CFHR1: variants seen among roughly 807,000 people sequenced by gnomAD.
CFHR1 encodes complement factor H-related protein 1.
Under a neutral mutation model 30.4 loss-of-function variants are expected in CFHR1, and 22 were observed. The ratio of observed to expected loss-of-function variants is 0.72; its 90% CI spans 0.52 to 1.03. The LOEUF (loss-of-function observed/expected upper bound fraction) is 1.03. CFHR1 is among the 50% of genes least tolerant of loss of function. CFHR1 has a pLI of 0.00. For missense variants in CFHR1, 248 were observed against 380.6 expected (o/e 0.65, Z 2.90); for synonymous variants, 95 against 129.1 (o/e 0.74, Z 1.79).
chr1:196,830,391 C>G lies in CFHR1; in HGVS notation c.608-109C>G, dbSNP rs771790509. ...AGGACTCATTTCTTTTACCAGAAAT[C>G]ACAAAACTGTTGATATTATATAAAG... On this transcript the variant is annotated intron_variant, in intron 4 of 5. Transcript: ENST00000320493. 53 of 1,227,132 alleles carry G rather than the reference C, an allele frequency of 4.3e-5. 9 individuals carry two copies. The highest frequency in any genetic ancestry group is 6.0e-5 in the Non-Finnish European group (52 of 872,634). 76.0% of individuals were successfully genotyped at this position (1,227,132 alleles called of 1,614,324 possible). A position where few individuals can be genotyped will look rare whatever the true frequency, so the allele number is the denominator to read the frequency against.
chr1:196,831,704 G>C lies in CFHR1; in HGVS notation c.791-93G>C, dbSNP rs1239394784. ...GACAGTGTTTTGAGAAATAATTCCT[G>C]AACCATCATATAACATTCTACTTGA... On this transcript the variant is annotated intron_variant, in intron 5 of 5. Transcript: ENST00000320493. 3.0e-6 allele frequency: 4 copies of C among 1,353,032 alleles called. No individual in the cohort carries two copies. The East Asian group carries it at 9.4e-5, about 32-fold the overall frequency. The allele number at this position is 1,353,032 out of a possible 1,614,324, so 83.8% of individuals were successfully genotyped here. A position where few individuals can be genotyped will look rare whatever the true frequency, so the allele number is the denominator to read the frequency against.
At chr1:196,828,991 G>A (rs1364057049) in intron 4 of CFHR1, among the ~76,000 whole-genome samples, 3 of 133,220 alleles carry the variant, frequency 2.3e-5, no homozygotes, top group African/African-American at 3.2e-5. Flanking sequence ...TCATTTATTT[G>A]TTTCTGTCTG....
In CFHR1 at chr1:196,821,756, TG is replaced by T; in HGVS notation, c.58+1855del. 2.1e-5 allele frequency among the ~76,000 whole-genome samples: 2 copies of T among 97,108 alleles called. 1 individual carries two copies. Among genetic ancestry groups the T allele is most frequent in the Non-Finnish European group, 3.9e-5 (2 of 50,782 alleles). The allele number at this position is 97,108 out of a possible 152,430, so 63.7% of individuals were successfully genotyped here. On this transcript the variant is annotated intron_variant, in intron 1 of 5. Transcript: ENST00000320493. ...CTGTGAGTGAGTGTGTGTGTGTGTG[TG>T]TGTGTGTGTGTATAAACAGTCATGC...
chr1:196,823,445 G>A (rs1236412926), intron 1 of CFHR1, among the ~76,000 whole-genome samples: 4 of 134,794 alleles, frequency 3.0e-5, no homozygotes, highest in Admixed American at 7.1e-5. Flanking sequence ...AAGAGTTATG[G>A]TAGGTTAATA....
At chr1:196,824,202 T>C (rs1382488012) in intron 1 of CFHR1, among the ~76,000 whole-genome samples, 2 of 134,534 alleles carry the variant, frequency 1.5e-5, no homozygotes, top group African/African-American at 6.4e-5. Flanking sequence ...TAAGAGAGAA[T>C]GGTGTAGTAT....
At chr1:196,827,759 T>G (rs1655390559) in intron 3 of CFHR1, among the ~76,000 whole-genome samples, 1 of 49,118 alleles carries the variant, frequency 2.0e-5, no homozygotes, top group Non-Finnish European at 3.8e-5. Flanking sequence ...AATATTTGTT[T>G]ACTCAAACTC....
chr1:196,823,347 AC>A (rs1212472592), intron 1 of CFHR1, among the ~76,000 whole-genome samples: 2 of 134,614 alleles, frequency 1.5e-5, no homozygotes, highest in Admixed American at 7.2e-5. Flanking sequence ...GTTGATGAAA[AC>A]CAAGTTATTC....
Position 196,830,671 on chromosome 1 carries a change from CA to C in CFHR1, c.783del (p.Lys261AsnfsTer7). 5.9e-6 allele frequency: 9 copies of C among 1,523,582 alleles called. 1 individual carries two copies. Among genetic ancestry groups the C allele is most frequent in the Non-Finnish European group, 8.0e-6 (9 of 1,128,342 alleles). 94.4% of individuals were successfully genotyped at this position (1,523,582 alleles called of 1,614,324 possible). A position where few individuals can be genotyped will look rare whatever the true frequency, so the allele number is the denominator to read the frequency against. On this transcript the variant is annotated frameshift_variant, in exon 5 of 6. Coordinates refer to ENST00000320493, the MANE Select transcript of CFHR1 (RefSeq NM_002113.3). LOFTEE classifies it low-confidence loss of function (END_TRUNC). ...TCRNGQWSEP[P>X]KCLHPCVISR... The stretch of plus-strand genomic sequence containing the variant: ...AGAAATGGACAATGGTCAGAACCAC[CA>C]AAATGCTTACGTAAGTACTTTAATA...
rs554048046 is a variant in CFHR1, at chr1:196,830,170, A to G, written c.608-330A>G. Among the ~76,000 whole-genome samples, 87 of 135,770 alleles carry G rather than the reference A, an allele frequency of 6.4e-4. 15 individuals carry two copies. The highest frequency in any genetic ancestry group is 7.3e-4 in the Non-Finnish European group (47 of 64,418). 89.1% of individuals were successfully genotyped at this position (135,770 alleles called of 152,430 possible). A position where few individuals can be genotyped will look rare whatever the true frequency, so the allele number is the denominator to read the frequency against. ...ACCCGTGTCCTCTTAGTGTTACTCC[A>G]AAGAATGTTGAATATGAAATAAGAA... On this transcript the variant is annotated intron_variant, in intron 4 of 5. Coordinates refer to ENST00000320493, the MANE Select transcript of CFHR1 (RefSeq NM_002113.3).
intron 3 of CFHR1, among the ~76,000 whole-genome samples, chr1:196,827,689 TAATC>T (rs1655387878): frequency 1.5e-5 from 2 of 133,878 alleles, no homozygotes; most frequent in Non-Finnish European, 3.1e-5. Context: ...TGGTATCACA[TAATC>T]TATTTATGCT....
intron 1 of CFHR1, among the ~76,000 whole-genome samples, chr1:196,821,979 A>G (rs1655135588): frequency 7.9e-6 from 1 of 126,160 alleles, no homozygotes; most frequent in African/African-American, 3.6e-5. Context: ...GGGCAACTGT[A>G]GCACAATTGT....
Position 196,828,314 on chromosome 1 carries a change from A to C in CFHR1, c.607+68A>C, listed in dbSNP as rs1402873819. The C allele has an allele frequency of 3.7e-5, 39 of 1,067,704 alleles. 6 individuals are homozygous for C. In the Middle Eastern group the frequency reaches 1.9e-3, roughly 53 times the overall value. The allele number at this position is 1,067,704 out of a possible 1,614,324, so 66.1% of individuals were successfully genotyped here. A position where few individuals can be genotyped will look rare whatever the true frequency, so the allele number is the denominator to read the frequency against. ...AGGGTTAAAATATGTTGATTTAAAC[A>C]AAATGAAGTCATTTTTATTAATAGA... On this transcript the variant is annotated intron_variant, in intron 4 of 5. Transcript: ENST00000320493.
chr1:196,827,096 C>T, intron 3 of CFHR1, 91 bp downstream of exon 3: 1 of 1,280,476 alleles, frequency 7.8e-7, no homozygotes, highest in Non-Finnish European at 1.1e-6. Context: ...TAGGTTTTGC[C>T]ACATACTTTT....
At chr1:196,830,434 C>A (rs1312040854) in intron 4 of CFHR1, 66 bp from the exon 5 acceptor site, 2 of 1,456,974 alleles carry the variant, frequency 1.4e-6, no homozygotes, top group African/African-American at 1.8e-5. Context: ...TTTGTATTTG[C>A]CTTATTTGAA....
chr1:196,828,471 A>T (rs1489594047), intron 4 of CFHR1, among the ~76,000 whole-genome samples: 1 of 134,134 alleles, frequency 7.5e-6, no homozygotes, highest in Non-Finnish European at 1.6e-5. Context: ...CCTGAAAAAC[A>T]ATACTTTTTA....
chr1:196,831,417 A>G lies in CFHR1; in HGVS notation c.791-380A>G, dbSNP rs1328403857. Among the ~76,000 whole-genome samples, 3 of 134,898 alleles carry G rather than the reference A, an allele frequency of 2.2e-5. 1 individual carries two copies. The highest frequency in any genetic ancestry group is 6.4e-5 in the African/African-American group (2 of 31,444). The allele number at this position is 134,898 out of a possible 152,430, so 88.5% of individuals were successfully genotyped here. A position where few individuals can be genotyped will look rare whatever the true frequency, so the allele number is the denominator to read the frequency against. ...AACAATACAATATTATTAGCTCTAA[A>G]TATCACTAGATCTCTATGTTTGATT... On this transcript the variant is annotated intron_variant, in intron 5 of 5. Transcript: ENST00000320493.
chr1:196,824,674 CTTTATTGTTTTTTTCAAATA>C (rs1655252402), intron 1 of CFHR1, among the ~76,000 whole-genome samples: 1 of 117,138 alleles, frequency 8.5e-6, no homozygotes, highest in Non-Finnish European at 1.7e-5. Context: ...GTTTTATTAT[CTTTATTGTTTTTTTCAAATA>C]TTTTTGATCT....
rs1655592139 is a variant in CFHR1 at position 196,832,113 on chromosome 1, A to C, written c.*114A>C. Reference sequence around the variant, plus strand: ...TATTCATACGTAAAATTTTGGATTAATTTGTGAAAATGTAATTATAAGCTG... The same window carrying C: ...TATTCATACGTAAAATTTTGGATTACTTTGTGAAAATGTAATTATAAGCTG... On this transcript the variant is annotated 3_prime_UTR_variant, in exon 6 of 6. Transcript: ENST00000320493. 3.9e-6 allele frequency: 4 copies of C among 1,035,832 alleles called. No individual in the cohort carries two copies. The highest frequency in any genetic ancestry group is 5.6e-6 in the Non-Finnish European group (4 of 718,166). 64.2% of individuals were successfully genotyped at this position (1,035,832 alleles called of 1,614,324 possible). A position where few individuals can be genotyped will look rare whatever the true frequency, so the allele number is the denominator to read the frequency against.
chr1:196,829,113 T>G (rs1428917300), intron 4 of CFHR1, among the ~76,000 whole-genome samples: 1 of 134,774 alleles, frequency 7.4e-6, no homozygotes, highest in East Asian at 2.0e-4. Flanking sequence ...TCTCTTTGCA[T>G]AGCTTTTCTT....
Sources: gnomAD v4.1 joint callset for allele counts (sites outside exome capture counted in the v4.1 genomes callset) on GRCh38, gnomAD v4.1.1 for gene constraint, MANE v1.5 for transcripts, NCBI Gene and HGNC (gene_info 2026-07-23, HGNC 2026-07-21) for gene names.